Variants in PCDHGA2 observed in about 807,000 individuals in gnomAD.
PCDHGA2 encodes the protein protocadherin gamma subfamily A, 2.
Under a neutral mutation model 59.2 loss-of-function variants are expected in PCDHGA2, and 40 were observed. The ratio of observed to expected loss-of-function variants is 0.68; its 90% CI spans 0.52 to 0.88. PCDHGA2 has a LOEUF of 0.88. Ranked by LOEUF, PCDHGA2 falls within the 40% of genes least tolerant of loss-of-function variation. The pLI is 0.00. For missense variants in PCDHGA2, 1,226 were observed against 1,204.0 expected (o/e 1.02, Z -0.27); for synonymous variants, 560 against 526.0 (o/e 1.06, Z -0.89).
chr5:141,491,544 C>G lies in PCDHGA2; in HGVS notation c.2425-3263C>G, dbSNP rs546391464. The G allele has an allele frequency of 1.1e-5, 17 of 1,614,018 alleles. No individual in the cohort carries two copies. In the Admixed American group the frequency reaches 1.8e-4, roughly 17 times the overall value. Reference sequence around the variant, plus strand: ...TGGAGGTGACGCTGCGGCCCACAGACTCGCAGAGCCACTGCTACAGGACGT... The same window carrying G: ...TGGAGGTGACGCTGCGGCCCACAGAGTCGCAGAGCCACTGCTACAGGACGT... On this transcript the variant is annotated intron_variant, in intron 1 of 3. Transcript: ENST00000394576. The surrounding 1 kb of genome is among the most constrained non-coding windows in gnomAD (Gnocchi z 6.9).
At chr5:141,395,345 A>G in intron 1 of PCDHGA2, 1 of 1,399,052 alleles carries the variant, frequency 7.1e-7, no homozygotes, top group South Asian at 1.5e-5. Flanking sequence ...TTTAAGGTGT[A>G]TCACAGAGTT....
chr5:141,397,359 A>T (rs372780097), intron 1 of PCDHGA2, among the ~76,000 whole-genome samples: 10 of 152,226 alleles, frequency 6.6e-5, no homozygotes, highest in African/African-American at 2.4e-4. Flanking sequence ...AGTCAGGAAG[A>T]GGAGATGTTT....
Position 141,431,548 on chromosome 5 carries a change from A to G in PCDHGA2, c.2425-63259A>G, listed in dbSNP as rs1357844542. 2 of 1,614,136 alleles carry G rather than the reference A, an allele frequency of 1.2e-6. No individual in the cohort carries two copies. Among genetic ancestry groups the G allele is most frequent in the Admixed American group, 1.7e-5 (1 of 60,030 alleles). On this transcript the variant is annotated intron_variant, in intron 1 of 3. Coordinates refer to ENST00000394576, the MANE Select transcript of PCDHGA2 (RefSeq NM_018915.4). This position sits in a 1 kb window ranked among gnomAD's most constrained non-coding sequence, Gnocchi z 4.8. ...TGGCCTTGGGCACGCAGCTGCTTGT[A>G]GTCAACGCTACCGACCCTGACGAAG... is the stretch of plus-strand genomic sequence containing the variant.
chr5:141,384,491 G>A (rs1370590293), intron 1 of PCDHGA2: 7 of 1,614,160 alleles, frequency 4.3e-6, no homozygotes, highest in East Asian at 4.5e-5. Flanking sequence ...CTACAACTAA[G>A]AGTGACTGCA....
At chr5:141,404,816 C>A in intron 1 of PCDHGA2, 1 of 1,610,374 alleles carries the variant, frequency 6.2e-7, no homozygotes, top group Non-Finnish European at 8.5e-7. Flanking sequence ...GGTGGGGCTG[C>A]ACACAGGTGA....
chr5:141,339,055 C>T lies in PCDHGA2; in HGVS notation c.84C>T (p.Ala28=), dbSNP rs761905954. The part of the protein sequence containing the change: ...FLLATLWEAR[A]GQIRYSVREE... ...TGGCGACCCTGTGGGAGGCCAGGGC[C>T]GGGCAGATTCGCTATTCTGTGCGGG... Residue 28 remains alanine, a synonymous_variant, in exon 1 of 4, where the codon GCC becomes GCT. Coordinates refer to ENST00000394576, the MANE Select transcript of PCDHGA2 (RefSeq NM_018915.4). 5.0e-6 allele frequency: 8 copies of T among 1,611,878 alleles called. No homozygotes were observed. The highest frequency in any genetic ancestry group is 4.0e-5 in the African/African-American group (3 of 74,882).
In PCDHGA2 at chr5:141,350,375, C is replaced by G. The variant is rs372561158; in HGVS notation, c.2424+8980C>G. The stretch of plus-strand genomic sequence containing the variant: ...GATCCGATACACGATTCCAGAGGAG[C>G]TAGCCAACGGCTCACGGGTGGGGAA... On this transcript the variant is annotated intron_variant, in intron 1 of 3. Transcript: ENST00000394576. 1.1e-4 allele frequency: 168 copies of G among 1,585,544 alleles called. No individual in the cohort carries two copies. Among genetic ancestry groups the G allele is most frequent in the Non-Finnish European group, 1.4e-4 (164 of 1,164,180 alleles).
chr5:141,346,273 G>T (rs202194695), intron 1 of PCDHGA2: 2 of 1,614,046 alleles, frequency 1.2e-6, no homozygotes, highest in African/African-American at 2.7e-5. Context: ...GACGGGGTTC[G>T]GGCTTTCCTG....
rs1396744157 is a variant in PCDHGA2 at position 141,432,439 on chromosome 5, C to G, written c.2425-62368C>G. 22 of 1,614,108 alleles carry G rather than the reference C, an allele frequency of 1.4e-5. No individual in the cohort carries two copies. The highest frequency in any genetic ancestry group is 1.7e-5 in the Non-Finnish European group (20 of 1,180,052). On this transcript the variant is annotated intron_variant, in intron 1 of 3. Coordinates refer to ENST00000394576, the MANE Select transcript of PCDHGA2 (RefSeq NM_018915.4). This position sits in a 1 kb window ranked among gnomAD's most constrained non-coding sequence, Gnocchi z 6.0. ...TGCTGGACCAGAACGACAATGCGCCCGAGATCCTGTACCCCGCCCTCCCCA... is the reference window on the plus strand; with the variant it reads ...TGCTGGACCAGAACGACAATGCGCCGGAGATCCTGTACCCCGCCCTCCCCA...
At position 141,383,863 on chromosome 5, in the gene PCDHGA2, C is replaced by G. The variant is rs768251798; in HGVS notation, c.2424+42468C>G. ...CTTCTATGAAATGGAGGTTCAGGCT[C>G]AAGATGGTCCTGGTAGTCTGACAAA... On this transcript the variant is annotated intron_variant, in intron 1 of 3. Coordinates refer to ENST00000394576, the MANE Select transcript of PCDHGA2 (RefSeq NM_018915.4). 4.3e-6 allele frequency: 7 copies of G among 1,613,772 alleles called. No homozygotes were observed. Among genetic ancestry groups the G allele is most frequent in the African/African-American group, 2.7e-5 (2 of 74,914 alleles).
chr5:141,354,985 C>A (rs949539037), intron 1 of PCDHGA2: 5 of 604,640 alleles, frequency 8.3e-6, no homozygotes, highest in Non-Finnish European at 1.3e-5. Flanking sequence ...TCGCTGTTCA[C>A]CAATCAGGGG....
At chr5:141,375,602 A>G (rs1237264318) in intron 1 of PCDHGA2, 5 of 1,614,120 alleles carry the variant, frequency 3.1e-6, no homozygotes, top group African/African-American at 1.3e-5. Flanking sequence ...CTACGTGTCC[A>G]TCAACTCCGA....
At chr5:141,456,702 C>T (rs1185842343) in intron 1 of PCDHGA2, among the ~76,000 whole-genome samples, 1 of 152,062 alleles carries the variant, frequency 6.6e-6, no homozygotes, top group Non-Finnish European at 1.5e-5. Flanking sequence ...TGGTGGCTCG[C>T]GCCTGTAATC....
At chr5:141,497,741 G>A (rs767561907) in intron 2 of PCDHGA2, among the ~76,000 whole-genome samples, 24 of 152,050 alleles carry the variant, frequency 1.6e-4, no homozygotes, top group Non-Finnish European at 2.6e-4. Context: ...GTTTCGCCAC[G>A]TTGGCCAGGC....
At chr5:141,355,726 G>A (rs771155381) in intron 1 of PCDHGA2, 1 of 1,613,978 alleles carries the variant, frequency 6.2e-7, no homozygotes, top group East Asian at 2.2e-5. Context: ...CAACTCAAAC[G>A]GTTACTTTTC....
At chr5:141,384,795 G>C (rs763067876) in intron 1 of PCDHGA2, 1 of 1,613,482 alleles carries the variant, frequency 6.2e-7, no homozygotes, top group South Asian at 1.1e-5. Context: ...CTCGGGCCCT[G>C]CTGGACAGAG....
intron 1 of PCDHGA2, among the ~76,000 whole-genome samples, chr5:141,453,047 G>A (rs930795400): frequency 1.3e-5 from 2 of 152,172 alleles, no homozygotes; most frequent in African/African-American, 4.8e-5. Context: ...TTTCTATTAT[G>A]TGCAGTTTTA....
At chr5:141,435,884 C>G (rs1020738994) in intron 1 of PCDHGA2, among the ~76,000 whole-genome samples, 9 of 152,070 alleles carry the variant, frequency 5.9e-5, no homozygotes, top group African/African-American at 1.9e-4. Flanking sequence ...ATTGGAAACC[C>G]CTTAGAGAAT....
Position 141,503,868 on chromosome 5 carries a change from G to A in PCDHGA2, c.2484-1525G>A, listed in dbSNP as rs928240898. Among the ~76,000 whole-genome samples, 24 of 152,202 alleles carry A rather than the reference G, an allele frequency of 1.6e-4. No individual in the cohort carries two copies. The South Asian group carries it at 4.1e-3, about 26-fold the overall frequency. ...TTGGAAAAATTGTAAAGCAGTTCTT[G>A]GTTGTGCTCACCCACCATGACAAAA... On this transcript the variant is annotated intron_variant, in intron 2 of 3. Coordinates refer to ENST00000394576, the MANE Select transcript of PCDHGA2 (RefSeq NM_018915.4).
Sources: gnomAD v4.1 joint callset for allele counts (sites outside exome capture counted in the v4.1 genomes callset) on GRCh38, gnomAD v4.1.1 for gene constraint, Gnocchi (gnomAD v3.1) non-coding constraint, MANE v1.5 for transcripts, NCBI Gene and HGNC (gene_info 2026-07-23, HGNC 2026-07-21) for gene names.